Variants in CCL26 observed in about 807,000 individuals in gnomAD.
CCL26 encodes the protein C-C motif chemokine ligand 26, also known as C-C motif chemokine 26.
Under a neutral mutation model 10.7 loss-of-function variants are expected in CCL26, and 10 were observed. The observed-to-expected ratio is 0.93, with a 90% confidence interval of 0.57 to 1.58. The LOEUF is 1.58. CCL26 is among the 40% of genes most tolerant of loss of function. CCL26 has a pLI of 0.00. For synonymous variants in CCL26, 43 were observed against 41.4 expected, an observed-to-expected ratio of 1.04 and a Z score of -0.15; for missense variants, 116 against 111.0, an observed-to-expected ratio of 1.05 and a Z score of -0.20.
At chr7:75,782,355 G>A (rs913999620) in intron 1 of CCL26, among the ~76,000 whole-genome samples, 30 of 152,180 alleles carry the variant, frequency 2.0e-4, no homozygotes, top group Non-Finnish European at 3.8e-4. Context: ...TGATCTCTGC[G>A]TGGACGCCTG....
upstream of CCL26, among the ~76,000 whole-genome samples, chr7:75,790,218 T>TCTTTCTTTCTTTCTCTCTTCCTTC (rs1554530641): frequency 1.5e-5 from 1 of 66,802 alleles, no homozygotes; most frequent in Non-Finnish European, 3.1e-5. Flanking sequence ...TTTCTTTCTT[T>TCTTTCTTTCTTTCTCTCTTCCTTC]CTTCCTTCCT....
chr7:75,784,405 C>T (rs1015618427), intron 1 of CCL26, among the ~76,000 whole-genome samples: 1 of 152,240 alleles, frequency 6.6e-6, no homozygotes, highest in African/African-American at 2.4e-5. Flanking sequence ...TGAAGACTGA[C>T]ACTGCCTGAA....
At chr7:75,790,642 C>T (rs1416939085), upstream of CCL26, among the ~76,000 whole-genome samples, 3 of 151,870 alleles carry the variant, frequency 2.0e-5, no homozygotes, top group African/African-American at 7.3e-5. Flanking sequence ...GTGATTATAC[C>T]CTGTTTATAA....
At chr7:75,777,823 C>CT (rs112719253) in intron 1 of CCL26, among the ~76,000 whole-genome samples, 32,321 of 136,958 alleles carry the variant, frequency 0.24, 3,952 homozygotes, top group Admixed American at 0.37. Context: ...CAAAACTAAT[C>CT]TTTTTTTTTT....
chr7:75,775,497 G>T (rs1052799677), upstream of CCL26, among the ~76,000 whole-genome samples: 3 of 152,150 alleles, frequency 2.0e-5, no homozygotes, highest in Non-Finnish European at 4.4e-5. Flanking sequence ...AGGCAGCAAC[G>T]CAAGGGGAGT....
At chr7:75,790,019 T>TCCCCCCC (rs1554530543), upstream of CCL26, 1 of 84,340 alleles carries the variant, frequency 1.2e-5, no homozygotes, top group Admixed American at 1.3e-4. Flanking sequence ...CCTCCCTCCC[T>TCCCCCCC]TCCTTCCTTC....
Position 75,771,950 on chromosome 7 carries a change from G to C in CCL26, c.127C>G (p.Pro43Ala). Residue 43 changes from proline to alanine, a missense_variant, in exon 2 of 3, where the codon CCC (proline) becomes GCC (alanine). Transcript: ENST00000005180. ...TCATAGCTTCGCACCCAGGTCCAGG[G>C]AAGGGGCTTGTGGCTGTATTGGAAG... ...CCFQYSHKPL[P>A]WTWVRSYEFT... 1.9e-6 allele frequency: 3 copies of C among 1,614,150 alleles called. No homozygotes were observed. Among genetic ancestry groups the C allele is most frequent in the Non-Finnish European group, 2.5e-6 (3 of 1,179,994 alleles).
chr7:75,788,029 G>T (rs191408982), intron 1 of CCL26, among the ~76,000 whole-genome samples: 1 of 151,668 alleles, frequency 6.6e-6, no homozygotes, highest in Non-Finnish European at 1.5e-5. Context: ...TTCCCATGCC[G>T]CCCCTAATCC....
chr7:75,776,399 G>T (rs1356746222), upstream of CCL26, among the ~76,000 whole-genome samples: 1 of 151,424 alleles, frequency 6.6e-6, no homozygotes, highest in African/African-American at 2.4e-5. Flanking sequence ...GCTGGGGCTG[G>T]GCATGGTGGC....
At chr7:75,788,683 A>G (rs13230637) in intron 1 of CCL26, among the ~76,000 whole-genome samples, 79,310 of 149,730 alleles carry the variant, frequency 0.53, 21,335 homozygotes, top group South Asian at 0.66. Flanking sequence ...CCAAGATCAC[A>G]CCACTGCACT....
intron 1 of CCL26, among the ~76,000 whole-genome samples, chr7:75,783,111 A>G (rs1554529618): frequency 6.6e-6 from 1 of 152,176 alleles, no homozygotes; most frequent in Non-Finnish European, 1.5e-5. Context: ...AGCTGAAGAC[A>G]TAGTCAGGGT....
At chr7:75,777,615 G>A (rs1481098083) in intron 1 of CCL26, among the ~76,000 whole-genome samples, 3 of 148,664 alleles carry the variant, frequency 2.0e-5, no homozygotes, top group African/African-American at 7.4e-5. Flanking sequence ...TGAGTTTGGT[G>A]GTACATGCCT....
intron 2 of CCL26, 150 bp from the exon 3 acceptor site, chr7:75,769,939 C>T: frequency 1.7e-6 from 1 of 592,366 alleles, no homozygotes. Flanking sequence ...TCTCCTGGGC[C>T]TTGTCTCCCT....
At chr7:75,776,769 T>G (rs1215539004), upstream of CCL26, among the ~76,000 whole-genome samples, 1 of 152,088 alleles carries the variant, frequency 6.6e-6, no homozygotes, top group Admixed American at 6.6e-5. Flanking sequence ...ACTCACCAGA[T>G]GGCTACAATG....
upstream of CCL26, among the ~76,000 whole-genome samples, chr7:75,790,944 A>G (rs1469016558): frequency 1.3e-5 from 2 of 152,070 alleles, no homozygotes; most frequent in South Asian, 2.1e-4. Flanking sequence ...CATTTCAAAA[A>G]AAAAAAAATT....
At chr7:75,779,161 T>G (rs569777482) in intron 1 of CCL26, among the ~76,000 whole-genome samples, 39 of 152,200 alleles carry the variant, frequency 2.6e-4, no homozygotes, top group Non-Finnish European at 4.6e-4. Flanking sequence ...AATTTTCCAT[T>G]ACCTACCCAA....
chr7:75,776,219 A>C (rs1346349060), upstream of CCL26, among the ~76,000 whole-genome samples: 3 of 151,378 alleles, frequency 2.0e-5, no homozygotes, highest in African/African-American at 7.3e-5. Flanking sequence ...TTACAGGCGC[A>C]CACCACCATG....
intron 1 of CCL26, among the ~76,000 whole-genome samples, chr7:75,782,111 C>T (rs782052309): frequency 2.6e-5 from 4 of 152,140 alleles, no homozygotes; most frequent in Non-Finnish European, 4.4e-5. Context: ...TCTTCTCCAA[C>T]CTCTCTCACT....
At chr7:75,781,083 A>G (rs1379052817) in intron 1 of CCL26, among the ~76,000 whole-genome samples, 7 of 152,206 alleles carry the variant, frequency 4.6e-5, no homozygotes, top group Non-Finnish European at 7.3e-5. Context: ...CCCATTTCAC[A>G]ACAACCCTTA....
Sources: allele counts gnomAD v4.1 joint callset (sites outside exome capture counted in the v4.1 genomes callset), GRCh38; gene constraint gnomAD v4.1.1; transcripts MANE v1.5; gene names NCBI Gene and HGNC (gene_info 2026-07-23, HGNC 2026-07-21).